Variants in CCNY observed in about 807,000 individuals in gnomAD.
CCNY encodes cyclin-Y.
Under a neutral mutation model 42.8 loss-of-function variants are expected in CCNY, and 19 were observed. The ratio of observed to expected loss-of-function variants is 0.44; its 90% CI spans 0.31 to 0.65. The LOEUF (loss-of-function observed/expected upper bound fraction) is 0.65. Ranked by LOEUF, CCNY falls within the 30% of genes least tolerant of loss-of-function variation. The pLI, the probability that CCNY is intolerant of heterozygous loss-of-function variation, is 0.07. For missense variants in CCNY, 370 were observed against 437.3 expected, an observed-to-expected ratio of 0.85 and a Z score of 1.37; for synonymous variants, 165 against 162.7, an observed-to-expected ratio of 1.01 and a Z score of -0.11.
intron 3 of CCNY, among the ~76,000 whole-genome samples, chr10:35,311,894 G>A (rs1029389113): frequency 6.6e-6 from 1 of 151,538 alleles, no homozygotes; most frequent in African/African-American, 2.4e-5. Context: ...GTTGAGGTGG[G>A]ACGATGGCTT....
At chr10:35,309,033 G>A (rs1835649905) in intron 3 of CCNY, among the ~76,000 whole-genome samples, 1 of 152,130 alleles carries the variant, frequency 6.6e-6, no homozygotes, top group African/African-American at 2.4e-5. Context: ...AAGCTTAGGG[G>A]AATGTGTGGG....
intron 1 of CCNY, among the ~76,000 whole-genome samples, chr10:35,426,246 C>CACACACAA (rs951945543): frequency 6.6e-6 from 1 of 151,932 alleles, no homozygotes; most frequent in Non-Finnish European, 1.5e-5. Flanking sequence ...CACACACACA[C>CACACACAA]ACACACAAAC....
chr10:35,342,169 G>A (rs1032070259), intron 1 of CCNY, among the ~76,000 whole-genome samples: 2 of 152,118 alleles, frequency 1.3e-5, no homozygotes, highest in Non-Finnish European at 2.9e-5. Flanking sequence ...AGAAGAGTGG[G>A]GACACAGGGC....
chr10:35,254,519 C>T (rs1374241270), intron 3 of CCNY, among the ~76,000 whole-genome samples: 1 of 151,822 alleles, frequency 6.6e-6, no homozygotes. Context: ...GCACATAATT[C>T]CTTGTCATCT....
chr10:35,498,119 C>T (rs1180590728), intron 2 of CCNY, among the ~76,000 whole-genome samples: 1 of 152,136 alleles, frequency 6.6e-6, no homozygotes, highest in Non-Finnish European at 1.5e-5. Flanking sequence ...CACTTTATCC[C>T]CCCATTCACA....
chr10:35,252,836 C>T (rs2095712915), intron 3 of CCNY, among the ~76,000 whole-genome samples: 1 of 152,116 alleles, frequency 6.6e-6, no homozygotes, highest in Non-Finnish European at 1.5e-5. Flanking sequence ...TAGTTTGAGT[C>T]TTAATTCATT....
intron 7 of CCNY, among the ~76,000 whole-genome samples, chr10:35,550,996 T>A (rs1841244969): frequency 2.0e-5 from 3 of 152,118 alleles, no homozygotes; most frequent in African/African-American, 4.8e-5. Context: ...CTGGGACATT[T>A]CAAGACAGAA....
At chr10:35,336,444 C>A (rs910755257), upstream of CCNY, 2 of 151,704 alleles carry the variant, frequency 1.3e-5, no homozygotes, top group Non-Finnish European at 2.9e-5. Flanking sequence ...AGGGAAGGGG[C>A]GGTGACGGGG....
At chr10:35,470,266 C>T (rs551525189) in intron 1 of CCNY, among the ~76,000 whole-genome samples, 2 of 151,538 alleles carry the variant, frequency 1.3e-5, no homozygotes, top group South Asian at 2.1e-4. Context: ...GATGGAAAGA[C>T]GGACAGGCAG....
chr10:35,399,481 C>T (rs963070008), intron 1 of CCNY, among the ~76,000 whole-genome samples: 4 of 152,014 alleles, frequency 2.6e-5, no homozygotes, highest in South Asian at 2.1e-4. Context: ...GCCAGGTGGC[C>T]GACACAGGAC....
chr10:35,266,952 G>A (rs556209042), intron 3 of CCNY, among the ~76,000 whole-genome samples: 2 of 151,994 alleles, frequency 1.3e-5, no homozygotes, highest in South Asian at 4.2e-4. Context: ...TGTGGTGGCA[G>A]GCACATGTAA....
At chr10:35,416,469 T>C (rs148515931) in intron 1 of CCNY, among the ~76,000 whole-genome samples, 2 of 152,162 alleles carry the variant, frequency 1.3e-5, no homozygotes, top group African/African-American at 4.8e-5. Flanking sequence ...ATCCTTTTGA[T>C]TGGGGAGAAA....
chr10:35,460,343 AAC>A (rs1439497372), intron 1 of CCNY, among the ~76,000 whole-genome samples: 1 of 152,228 alleles, frequency 6.6e-6, no homozygotes, highest in Admixed American at 6.5e-5. Context: ...ACCTTGTTGA[AAC>A]AGTGTCATCA....
rs574282693 is a variant in CCNY, at chr10:35,248,929, C to CT, written c.-114+724dup. 4.9e-3 allele frequency among the ~76,000 whole-genome samples: 743 copies of CT among 152,186 alleles called. 49 individuals carry two copies. The South Asian group carries it at 0.13, about 26-fold the overall frequency. ...CCTGAATTTTACACTTTTTAAAAGTCTTTTTTAGTGACACTAGGTTTGTTT... is the reference window on the plus strand; with the variant it reads ...CCTGAATTTTACACTTTTTAAAAGTCTTTTTTTAGTGACACTAGGTTTGTTT... On this transcript the variant is annotated intron_variant, in intron 2 of 11. Transcript: ENST00000374706.
chr10:35,444,016 G>A (rs1838733620), intron 1 of CCNY, among the ~76,000 whole-genome samples: 1 of 152,144 alleles, frequency 6.6e-6, no homozygotes, highest in African/African-American at 2.4e-5. Flanking sequence ...TGTGCTCTCT[G>A]GCAAAACTGC....
chr10:35,418,651 G>A (rs1838079285), intron 1 of CCNY, among the ~76,000 whole-genome samples: 1 of 151,974 alleles, frequency 6.6e-6, no homozygotes, highest in African/African-American at 2.4e-5. Flanking sequence ...AGTGTAGGGG[G>A]CGTATGTGGG....
intron 1 of CCNY, among the ~76,000 whole-genome samples, chr10:35,397,076 A>T (rs1005924176): frequency 1.3e-5 from 2 of 152,160 alleles, no homozygotes; most frequent in Admixed American, 1.3e-4. Flanking sequence ...ACTTTACCAC[A>T]TAGCCCTGTT....
chr10:35,558,869 C>G (rs982641739), intron 8 of CCNY, among the ~76,000 whole-genome samples: 1 of 152,236 alleles, frequency 6.6e-6, no homozygotes, highest in East Asian at 1.9e-4. Flanking sequence ...GTTACCTGTG[C>G]TAGTCTGTAG....
chr10:35,532,545 T>C (rs1440477185), intron 7 of CCNY, among the ~76,000 whole-genome samples: 1 of 152,226 alleles, frequency 6.6e-6, no homozygotes, highest in East Asian at 1.9e-4. Flanking sequence ...CTTAGATCAC[T>C]AAGTGTATTT....
Sources: gnomAD v4.1 joint callset for allele counts (sites outside exome capture counted in the v4.1 genomes callset) on GRCh38, gnomAD v4.1.1 for gene constraint, MANE v1.5 for transcripts, NCBI Gene and HGNC (gene_info 2026-07-23, HGNC 2026-07-21) for gene names.